CNTN6: variants seen among roughly 807,000 people sequenced by gnomAD.
CNTN6 encodes contactin-6.
CNTN6 carries 137 observed loss-of-function variants against 122.8 expected under a neutral mutation model. The ratio of observed to expected loss-of-function variants is 1.12; its 90% confidence interval spans 0.97 to 1.29. The LOEUF is 1.29. Among genes scored for constraint, CNTN6 ranks in the 50% most tolerant of loss-of-function variants. The pLI, the probability that CNTN6 is intolerant of heterozygous loss-of-function variation, is 0.00. For synonymous variants in CNTN6, 570 were observed against 426.0 expected (o/e 1.34, Z -4.16); for missense variants, 1,634 against 1,223.4 (o/e 1.34, Z -5.01).
Position 1,278,433 on chromosome 3 carries a change from A to G in CNTN6, c.379A>G (p.Lys127Glu), listed in dbSNP as rs908678576. The change falls in exon 5 of 23, where the codon AAA becomes GAA. Residue 127 changes from lysine to glutamate, a missense_variant. Lys to Glu is a moderately conservative substitution (Grantham distance 56, BLOSUM62 1). Transcript: ENST00000446702. ...CCAAGATATTGAAGACTTTGAAACT[A>G]AAACAAGAAGCACAGTATCTGTCCG... ...QFAYIEDFET[K>E]TRSTVSVREG... 4 of 1,608,164 alleles carry G rather than the reference A, an allele frequency of 2.5e-6. No homozygotes were observed. Among genetic ancestry groups the G allele is most frequent in the South Asian group, 1.1e-5 (1 of 90,346 alleles).
intron 2 of CNTN6, among the ~76,000 whole-genome samples, chr3:1,163,792 C>A (rs1336912488): frequency 1.3e-5 from 2 of 152,202 alleles, no homozygotes; most frequent in Non-Finnish European, 2.9e-5. Context: ...ACACTCCAAA[C>A]AAACTATTAA....
At chr3:1,376,630 A>G (rs1395060850) in intron 16 of CNTN6, among the ~76,000 whole-genome samples, 1 of 152,112 alleles carries the variant, frequency 6.6e-6, no homozygotes. Context: ...AAAAAAAATA[A>G]TTAATATACT....
chr3:1,369,172 T>C (rs1708638811), intron 12 of CNTN6, among the ~76,000 whole-genome samples: 1 of 152,188 alleles, frequency 6.6e-6, no homozygotes, highest in African/African-American at 2.4e-5. Flanking sequence ...TCACTACTAC[T>C]TGCCTTTTAC....
chr3:1,125,868 A>G (rs1027943334), intron 1 of CNTN6, among the ~76,000 whole-genome samples: 2 of 151,620 alleles, frequency 1.3e-5, no homozygotes, highest in African/African-American at 4.8e-5. Context: ...ACAAAAGCCA[A>G]CTCCATGTTA....
At chr3:1,196,419 C>T (rs1214204006) in intron 2 of CNTN6, among the ~76,000 whole-genome samples, 2 of 152,172 alleles carry the variant, frequency 1.3e-5, no homozygotes, top group Non-Finnish European at 2.9e-5. Flanking sequence ...ATAATGATAA[C>T]ACTTCCTTCT....
chr3:1,283,127 C>T (rs533446472), intron 5 of CNTN6, among the ~76,000 whole-genome samples: 2 of 152,210 alleles, frequency 1.3e-5, no homozygotes, highest in South Asian at 4.1e-4. Context: ...TGCATGCCAC[C>T]ACACCCAGCT....
Position 1,387,843 on chromosome 3 carries a change from G to A in CNTN6, c.2704+2046G>A, listed in dbSNP as rs577287314. ...TGGGTCACTCCCACCCGAATATTGC[G>A]CTTTTCGGACCAGCTTAAAAAACGG... On this transcript the variant is annotated intron_variant, in intron 20 of 22. Transcript: ENST00000446702. Among the ~76,000 whole-genome samples the A allele has an allele frequency of 7.2e-5, 11 of 151,910 alleles. No homozygotes were observed. The East Asian group carries it at 1.6e-3, about 21-fold the overall frequency.
intron 1 of CNTN6, among the ~76,000 whole-genome samples, chr3:1,111,204 AG>A (rs1414374996): frequency 3.9e-5 from 6 of 152,320 alleles, no homozygotes; most frequent in African/African-American, 1.2e-4. Flanking sequence ...TTATGCGGAA[AG>A]CAGTAGTCCC....
intron 4 of CNTN6, among the ~76,000 whole-genome samples, chr3:1,234,127 A>C: frequency 6.6e-6 from 1 of 152,194 alleles, no homozygotes; most frequent in East Asian, 1.9e-4. Context: ...CAGGACAACT[A>C]TGTTACTTGC....
chr3:1,199,732 A>T (rs2093833453), intron 2 of CNTN6, among the ~76,000 whole-genome samples: 1 of 152,190 alleles, frequency 6.6e-6, no homozygotes, highest in South Asian at 2.1e-4. Flanking sequence ...AGTGATTAAG[A>T]GCTCACTCAT....
intron 2 of CNTN6, among the ~76,000 whole-genome samples, chr3:1,208,627 G>C (rs1243155778): frequency 6.6e-6 from 1 of 152,038 alleles, no homozygotes; most frequent in Middle Eastern, 3.4e-3. Context: ...AGTGATTTAC[G>C]GTATGAGTTC....
chr3:1,132,477 C>G (rs994030320), intron 1 of CNTN6, among the ~76,000 whole-genome samples: 1 of 151,882 alleles, frequency 6.6e-6, no homozygotes, highest in Non-Finnish European at 1.5e-5. Context: ...GTGATCCCAG[C>G]TCTTTGAGAA....
At chr3:1,337,511 C>A (rs1703243096) in intron 11 of CNTN6, among the ~76,000 whole-genome samples, 2 of 152,144 alleles carry the variant, frequency 1.3e-5, no homozygotes, top group South Asian at 4.1e-4. Context: ...CTCCTCTTTG[C>A]AGAGCTTCCT....
At chr3:1,281,912 A>G (rs534166356) in intron 5 of CNTN6, among the ~76,000 whole-genome samples, 28 of 152,288 alleles carry the variant, frequency 1.8e-4, no homozygotes, top group Admixed American at 5.2e-4. Context: ...GTGTATTCAC[A>G]TAAATTATAC....
intron 11 of CNTN6, among the ~76,000 whole-genome samples, chr3:1,334,009 T>C (rs1286800837): frequency 1.3e-5 from 2 of 152,154 alleles, no homozygotes; most frequent in Non-Finnish European, 2.9e-5. Flanking sequence ...ACATGTTTCT[T>C]ATTAGCCTAT....
chr3:1,168,824 A>G (rs1258653327), intron 2 of CNTN6, among the ~76,000 whole-genome samples: 1 of 152,194 alleles, frequency 6.6e-6, no homozygotes, highest in Non-Finnish European at 1.5e-5. Flanking sequence ...AAAAAAAGGG[A>G]CATTCTAGAA....
At chr3:1,142,972 A>G (rs74878792) in intron 1 of CNTN6, among the ~76,000 whole-genome samples, 1,691 of 35,818 alleles carry the variant, frequency 0.047, 19 homozygotes, top group Middle Eastern at 0.15. Context: ...GTGTGTGTAT[A>G]TATATATATA....
chr3:1,190,644 G>GA (rs1269029754), intron 2 of CNTN6, among the ~76,000 whole-genome samples: 1 of 152,056 alleles, frequency 6.6e-6, no homozygotes, highest in Non-Finnish European at 1.5e-5. Flanking sequence ...TCTACAGAAA[G>GA]AAAAAAAGCT....
chr3:1,353,563 A>T (rs1706028736), intron 12 of CNTN6, among the ~76,000 whole-genome samples: 1 of 151,662 alleles, frequency 6.6e-6, no homozygotes, highest in East Asian at 1.9e-4. Context: ...TCAATTTTTA[A>T]GACAGAGATG....
Sources: allele counts gnomAD v4.1 joint callset (sites outside exome capture counted in the v4.1 genomes callset), GRCh38; gene constraint gnomAD v4.1.1; transcripts MANE v1.5; gene names NCBI Gene and HGNC (gene_info 2026-07-23, HGNC 2026-07-21).